IGF2BP1: variants seen among roughly 807,000 people sequenced by gnomAD.
IGF2BP1 encodes insulin like growth factor 2 mRNA binding protein 1, also known as insulin-like growth factor 2 mRNA-binding protein 1.
IGF2BP1 carries 11 observed loss-of-function variants against 74.9 expected under a neutral mutation model. The observed-to-expected ratio is 0.15, with a 90% CI of 0.09 to 0.24. The LOEUF is 0.24. IGF2BP1 is among the 10% of genes least tolerant of loss of function. The pLI, the probability that IGF2BP1 is intolerant of heterozygous loss-of-function variation, is 1.00. For missense variants in IGF2BP1, 440 were observed against 757.4 expected, an observed-to-expected ratio of 0.58 and a Z score of 4.92; for synonymous variants, 287 against 281.8, an observed-to-expected ratio of 1.02 and a Z score of -0.18.
At chr17:49,029,918 T>C (rs1157785154) in intron 4 of IGF2BP1, among the ~76,000 whole-genome samples, 1 of 151,746 alleles carries the variant, frequency 6.6e-6, no homozygotes, top group East Asian at 1.9e-4. Context: ...ATTTTAATAA[T>C]TGTAAGTGAG....
At chr17:48,997,362 CT>C (rs754623540), upstream of IGF2BP1, 446 of 109,242 alleles carry the variant, frequency 4.1e-3, 2 homozygotes, top group South Asian at 0.018. The surrounding 1 kb of genome is among the most constrained non-coding windows in gnomAD (Gnocchi z 4.8). Flanking sequence ...GTGGCTTCTC[CT>C]TTTTTTTTTT....
At chr17:49,002,079 G>A (rs2041493935) in intron 2 of IGF2BP1, among the ~76,000 whole-genome samples, 2 of 152,056 alleles carry the variant, frequency 1.3e-5, no homozygotes. Flanking sequence ...GGTGAAATGT[G>A]TTCACATTAA....
chr17:49,040,943 C>G (rs1307196343), intron 7 of IGF2BP1, among the ~76,000 whole-genome samples: 3 of 152,212 alleles, frequency 2.0e-5, no homozygotes, highest in African/African-American at 7.2e-5. Context: ...GTGGCTCATG[C>G]CTCTAATCCC....
At chr17:49,044,175 C>T (rs942187472) in intron 11 of IGF2BP1, 89 bp downstream of exon 11, 5 of 1,509,320 alleles carry the variant, frequency 3.3e-6, no homozygotes, top group East Asian at 2.3e-5. Flanking sequence ...TCCCCCTACT[C>T]ATTTGAGAAT....
chr17:49,043,383 C>G (rs773962841), intron 9 of IGF2BP1, 45 bp from the exon 10 acceptor site: 3 of 1,609,284 alleles, frequency 1.9e-6, no homozygotes, highest in South Asian at 1.1e-5. Flanking sequence ...CACACAAGCC[C>G]CTGTCAGGGT....
At chr17:49,025,857 C>CTT (rs797001122) in intron 3 of IGF2BP1, among the ~76,000 whole-genome samples, 191 bp downstream of exon 3, 1 of 94,636 alleles carries the variant, frequency 1.1e-5, no homozygotes, top group Admixed American at 1.3e-4. Context: ...TCTTTTCTTT[C>CTT]TTTTTTTTTT....
chr17:49,025,718 G>T (rs754738685), intron 3 of IGF2BP1, 52 bp downstream of exon 3: 1 of 1,547,072 alleles, frequency 6.5e-7, no homozygotes, highest in Non-Finnish European at 8.9e-7. Flanking sequence ...AGCCTGGAAA[G>T]TACGTCTGGA....
At chr17:48,999,847 A>G (rs141544737) in intron 2 of IGF2BP1, among the ~76,000 whole-genome samples, 1 of 150,586 alleles carries the variant, frequency 6.6e-6, no homozygotes, top group Non-Finnish European at 1.5e-5. Context: ...TTACCAGGGG[A>G]CCATCTGGGG....
At chr17:49,047,917 T>C (rs2042125372) in intron 14 of IGF2BP1, among the ~76,000 whole-genome samples, 1 of 152,136 alleles carries the variant, frequency 6.6e-6, no homozygotes, top group Non-Finnish European at 1.5e-5. Flanking sequence ...GGTTTCACCA[T>C]GTGGCCCAGG....
chr17:49,023,136 C>T (rs561276597), intron 2 of IGF2BP1, among the ~76,000 whole-genome samples: 1 of 152,304 alleles, frequency 6.6e-6, no homozygotes, highest in African/African-American at 2.4e-5. Flanking sequence ...GGAAATTCCT[C>T]ACAAGGGTAG....
intron 5 of IGF2BP1, among the ~76,000 whole-genome samples, chr17:49,034,678 A>G (rs1234872362): frequency 6.6e-6 from 1 of 150,712 alleles, no homozygotes; most frequent in Non-Finnish European, 1.5e-5. Context: ...TGGAGGTTGC[A>G]GTGGGTTGAG....
intron 7 of IGF2BP1, 144 bp downstream of exon 7, chr17:49,040,235 T>C: frequency 2.0e-6 from 2 of 984,590 alleles, no homozygotes; most frequent in Non-Finnish European, 3.0e-6. Flanking sequence ...ATAAAATCTT[T>C]CTTCTTACAG....
Position 49,053,152 on chromosome 17 carries a change from C to T in IGF2BP1, c.*3708C>T, listed in dbSNP as rs1430117741. On this transcript the variant is annotated 3_prime_UTR_variant, in exon 15 of 15. Transcript: ENST00000290341. ...CTTTTTTCCTTTTTCCTGACCCCCT[C>T]CTTCTGGAGGCAGTTGGGAGCTATC... 1.3e-5 allele frequency: 2 copies of T among 152,540 alleles called. No individual in the cohort carries two copies. Among genetic ancestry groups the T allele is most frequent in the South Asian group, 2.1e-4 (1 of 4,826 alleles). 9.4% of individuals were successfully genotyped at this position (152,540 alleles called of 1,614,324 possible). A position where few individuals can be genotyped will look rare whatever the true frequency, so the allele number is the denominator to read the frequency against.
At chr17:49,019,063 G>C (rs1381849059) in intron 2 of IGF2BP1, among the ~76,000 whole-genome samples, 1 of 152,058 alleles carries the variant, frequency 6.6e-6, no homozygotes, top group Non-Finnish European at 1.5e-5. Flanking sequence ...CCCCACCCCA[G>C]TTTAAAGGCA....
intron 5 of IGF2BP1, chr17:49,036,612 G>A (rs1440285254): frequency 6.6e-6 from 1 of 152,212 alleles, no homozygotes; most frequent in Non-Finnish European, 1.5e-5. Context: ...CAACCTGGCA[G>A]ATTAATTTAA....
At chr17:49,000,183 G>C (rs1367680742) in intron 2 of IGF2BP1, among the ~76,000 whole-genome samples, 2 of 152,030 alleles carry the variant, frequency 1.3e-5, no homozygotes, top group Admixed American at 6.6e-5. Flanking sequence ...TCCCAAGCTG[G>C]AAAGCAGCCC....
chr17:49,031,572 A>G (rs2041922026), intron 4 of IGF2BP1, among the ~76,000 whole-genome samples: 1 of 149,912 alleles, frequency 6.7e-6, no homozygotes, highest in South Asian at 2.1e-4. Context: ...ATCTGGGCTC[A>G]CTGCAACCTC....
Position 49,051,417 on chromosome 17 carries a change from AG to A in IGF2BP1, c.*1977del, listed in dbSNP as rs1355460498. 6.5e-6 allele frequency: 1 copy of A among 152,676 alleles called. No individual in the cohort carries two copies. The highest frequency in any genetic ancestry group is 1.5e-5 in the Non-Finnish European group (1 of 68,092). The allele number at this position is 152,676 out of a possible 1,614,324, so 9.5% of individuals were successfully genotyped here. A position where few individuals can be genotyped will look rare whatever the true frequency, so the allele number is the denominator to read the frequency against. On this transcript the variant is annotated 3_prime_UTR_variant, in exon 15 of 15. Coordinates refer to ENST00000290341, the MANE Select transcript of IGF2BP1 (RefSeq NM_006546.4). ...AAGGCCCAGGTTTGAGAGAGCCCAG[AG>A]GGGCAGAGCCCAGAGCCTTGTTTGG... is the stretch of plus-strand genomic sequence containing the variant.
intron 3 of IGF2BP1, 141 bp from the exon 4 acceptor site, chr17:49,026,325 A>G (rs980170805): frequency 1.4e-6 from 1 of 704,418 alleles, no homozygotes; most frequent in African/African-American, 1.7e-5. Context: ...TAGAAAGGTC[A>G]CACTGGACAG....
Sources: allele counts gnomAD v4.1 joint callset (sites outside exome capture counted in the v4.1 genomes callset), GRCh38; gene constraint gnomAD v4.1.1; non-coding constraint Gnocchi (gnomAD v3.1); transcripts MANE v1.5; gene names NCBI Gene and HGNC (gene_info 2026-07-23, HGNC 2026-07-21).